C1orf21: variants seen among roughly 807,000 people sequenced by gnomAD.
The protein encoded by C1orf21 is uncharacterized protein C1orf21.
In C1orf21, 3 loss-of-function variants were observed where a neutral mutation model predicts 18.7. The ratio of observed to expected loss-of-function variants is 0.16; its 90% CI spans 0.07 to 0.42. The LOEUF (loss-of-function observed/expected upper bound fraction) is 0.42, where lower values mean the gene tolerates loss of function less well. Ranked by LOEUF, C1orf21 falls within the 10% of genes least tolerant of loss-of-function variation. The probability of loss-of-function intolerance (pLI) is 0.99; values close to 1 mark genes in which losing one functional copy is unlikely to be tolerated. For missense variants in C1orf21, 104 were observed against 143.6 expected (o/e 0.72, Z 1.41); for synonymous variants, 41 against 46.4 (o/e 0.88, Z 0.47).
chr1:184,614,366 A>G (rs1483590998), intron 5 of C1orf21, among the ~76,000 whole-genome samples: 2 of 152,204 alleles, frequency 1.3e-5, no homozygotes, highest in African/African-American at 2.4e-5. Flanking sequence ...AGTCTACTCC[A>G]GTGGGAGAAT....
intron 3 of C1orf21, among the ~76,000 whole-genome samples, chr1:184,546,802 C>T (rs1658734510): frequency 6.6e-6 from 1 of 152,168 alleles, no homozygotes; most frequent in Non-Finnish European, 1.5e-5. Flanking sequence ...GGAGTCTTTT[C>T]CAGTTCACAT....
intron 2 of C1orf21, among the ~76,000 whole-genome samples, chr1:184,489,229 A>C (rs1332076039): frequency 1.3e-5 from 2 of 152,182 alleles, no homozygotes; most frequent in African/African-American, 4.8e-5. Flanking sequence ...ATAGAAAAAG[A>C]CCCTTCAAAA....
At chr1:184,446,877 G>C (rs893820816) in intron 1 of C1orf21, among the ~76,000 whole-genome samples, 33 of 144,622 alleles carry the variant, frequency 2.3e-4, no homozygotes, top group Admixed American at 1.9e-3. Flanking sequence ...TTTGGAGACA[G>C]GTACTGATAT....
chr1:184,451,284 T>TTTTTTG (rs1657116030), intron 1 of C1orf21, among the ~76,000 whole-genome samples: 1 of 151,884 alleles, frequency 6.6e-6, no homozygotes, highest in Admixed American at 6.6e-5. Context: ...TTTGGAACAT[T>TTTTTTG]TTTTTGTTTT....
intron 1 of C1orf21, among the ~76,000 whole-genome samples, chr1:184,476,051 C>T (rs1243083750): frequency 1.3e-5 from 2 of 152,132 alleles, no homozygotes; most frequent in East Asian, 3.9e-4. Context: ...AATTTAAGAT[C>T]ACTGCCTTTT....
At chr1:184,600,687 C>G (rs545849162) in intron 5 of C1orf21, among the ~76,000 whole-genome samples, 33 of 152,128 alleles carry the variant, frequency 2.2e-4, no homozygotes, top group Non-Finnish European at 4.0e-4. Context: ...TTGGTAGATT[C>G]AACATAAACA....
intron 3 of C1orf21, among the ~76,000 whole-genome samples, chr1:184,541,413 C>T (rs913776121): frequency 1.3e-5 from 2 of 152,162 alleles, no homozygotes; most frequent in African/African-American, 4.8e-5. Flanking sequence ...CCAGCCTTGA[C>T]CTCGCCATCT....
chr1:184,478,120 G>C (rs1657599312), intron 2 of C1orf21, among the ~76,000 whole-genome samples: 1 of 152,162 alleles, frequency 6.6e-6, no homozygotes, highest in Non-Finnish European at 1.5e-5. Context: ...TTAAATTGGT[G>C]CATGGGACAG....
intron 5 of C1orf21, among the ~76,000 whole-genome samples, chr1:184,598,979 G>A (rs1196842907): frequency 6.6e-6 from 1 of 152,208 alleles, no homozygotes; most frequent in African/African-American, 2.4e-5. Context: ...AGATTTGCAA[G>A]GCTAATAGTG....
At chr1:184,533,825 T>C (rs1658506774) in intron 3 of C1orf21, among the ~76,000 whole-genome samples, 1 of 152,216 alleles carries the variant, frequency 6.6e-6, no homozygotes, top group Non-Finnish European at 1.5e-5. Context: ...GAATGGGGTA[T>C]GTGACGGAGC....
At chr1:184,556,529 A>G (rs940785447) in intron 3 of C1orf21, among the ~76,000 whole-genome samples, 31 of 152,284 alleles carry the variant, frequency 2.0e-4, no homozygotes, top group African/African-American at 7.5e-4. Context: ...AACAGGAAGG[A>G]AGGAACCCTC....
intron 1 of C1orf21, among the ~76,000 whole-genome samples, chr1:184,455,912 G>A (rs1189517356): frequency 6.6e-6 from 1 of 152,120 alleles, no homozygotes; most frequent in Non-Finnish European, 1.5e-5. Context: ...AAAGCCTTTG[G>A]AACGTTAAAT....
chr1:184,417,869 A>C (rs915001231), intron 1 of C1orf21, among the ~76,000 whole-genome samples: 1 of 152,164 alleles, frequency 6.6e-6, no homozygotes, highest in Non-Finnish European at 1.5e-5. Flanking sequence ...ATGTGTTGGG[A>C]TAAGGCCAGG....
At position 184,410,665 on chromosome 1, in the gene C1orf21, T is replaced by TATATATATATATATAATATATATATA. The variant is rs1557965191; in HGVS notation, c.-125+23297_-125+23298insATATATATATATATAATATATATATA. On this transcript the variant is annotated intron_variant, in intron 1 of 5. Coordinates refer to ENST00000235307, the MANE Select transcript of C1orf21 (RefSeq NM_030806.4). ...TATATATATATATATATATATATAT[T>TATATATATATATATAATATATATATA]TTTTTTTTTTTTTTTTGAGATGGAG... 1.8e-4 allele frequency among the ~76,000 whole-genome samples: 3 copies of TATATATATATATATAATATATATATA among 16,506 alleles called. 1 individual carries two copies. The highest frequency in any genetic ancestry group is 2.7e-3 in the African/African-American group (2 of 728). 10.8% of individuals were successfully genotyped at this position (16,506 alleles called of 152,430 possible).
Position 184,507,603 on chromosome 1 carries a change from A to T in C1orf21, c.110A>T (p.Lys37Ile). The change falls in exon 3 of 6, where the codon AAA becomes ATA. Residue 37 changes from lysine (K) to isoleucine (I), a missense_variant. Coordinates refer to ENST00000235307, the MANE Select transcript of C1orf21 (RefSeq NM_030806.4). Reference sequence around the variant, plus strand: ...TGGCACTCAGATGAGTATAGGATCAAACCAGTGGAAGAGGTCAAATACATG... The same window carrying T: ...TGGCACTCAGATGAGTATAGGATCATACCAGTGGAAGAGGTCAAATACATG... Reference protein sequence around the residue: ...GDVFGDEYRIKPVEEVKYMKN... With the variant: ...GDVFGDEYRIIPVEEVKYMKN... The T allele has an allele frequency of 6.2e-7, 1 of 1,606,792 alleles. No individual in the cohort carries two copies. The highest frequency in any genetic ancestry group is 8.5e-7 in the Non-Finnish European group (1 of 1,177,706).
At chr1:184,501,821 T>C (rs1657980600) in intron 2 of C1orf21, among the ~76,000 whole-genome samples, 1 of 152,178 alleles carries the variant, frequency 6.6e-6, no homozygotes, top group African/African-American at 2.4e-5. Context: ...GGGCCAGAAG[T>C]GTCCCCATAA....
At chr1:184,399,356 A>ATTTTTTTTTTTTTTTTTTTTTT (rs59376994) in intron 1 of C1orf21, among the ~76,000 whole-genome samples, 1 of 79,082 alleles carries the variant, frequency 1.3e-5, no homozygotes, top group Non-Finnish European at 2.6e-5. Flanking sequence ...ATGTACTTCT[A>ATTTTTTTTTTTTTTTTTTTTTT]TTTTTTTTTT....
chr1:184,592,709 A>T (rs921347286), intron 4 of C1orf21, among the ~76,000 whole-genome samples: 4 of 152,174 alleles, frequency 2.6e-5, no homozygotes, highest in South Asian at 2.1e-4. Flanking sequence ...AAGGTATGTT[A>T]TCTCTGGTTC....
Position 184,628,439 on chromosome 1 carries a change from A to T in C1orf21, c.*8883A>T, listed in dbSNP as rs1660053317. The T allele has an allele frequency of 6.6e-6, 1 of 152,134 alleles. No individual in the cohort carries two copies. Among genetic ancestry groups the T allele is most frequent in the Non-Finnish European group, 1.5e-5 (1 of 68,012 alleles). The allele number at this position is 152,134 out of a possible 1,614,324, so 9.4% of individuals were successfully genotyped here. Reference sequence around the variant, plus strand: ...AGGGGGACCTTGGGCACCTCCTGGTATGTGCACACCCCACTTTGAACACCC... The same window carrying T: ...AGGGGGACCTTGGGCACCTCCTGGTTTGTGCACACCCCACTTTGAACACCC... On this transcript the variant is annotated 3_prime_UTR_variant, in exon 6 of 6. Coordinates refer to ENST00000235307, the MANE Select transcript of C1orf21 (RefSeq NM_030806.4).
Sources: allele counts gnomAD v4.1 joint callset (sites outside exome capture counted in the v4.1 genomes callset), GRCh38; gene constraint gnomAD v4.1.1; transcripts MANE v1.5; gene names NCBI Gene and HGNC (gene_info 2026-07-23, HGNC 2026-07-21).